The following CSMD1 variants were observed in gnomAD, a reference collection of about 807,000 sequenced individuals.
CSMD1 encodes the protein CUB and Sushi multiple domains 1.
Under a neutral mutation model 417.5 loss-of-function variants are expected in CSMD1, and 213 were observed. The observed-to-expected ratio is 0.51, with a 90% confidence interval of 0.46 to 0.57. The LOEUF is 0.57. Ranked by LOEUF, CSMD1 falls within the 20% of genes least tolerant of loss-of-function variation. The pLI, the probability that CSMD1 is intolerant of heterozygous loss-of-function variation, is 0.00. For missense variants in CSMD1, 6,923 were observed against 4,529.7 expected, an observed-to-expected ratio of 1.53 and a Z score of -15.17; for synonymous variants, 2,862 against 1,736.8, an observed-to-expected ratio of 1.65 and a Z score of -16.11.
intron 5 of CSMD1, among the ~76,000 whole-genome samples, chr8:3,893,342 TA>T (rs1807118433): frequency 3.1e-5 from 2 of 64,854 alleles, no homozygotes; most frequent in African/African-American, 1.0e-4. Context: ...CACAATTTTA[TA>T]TATATATATA....
chr8:3,965,132 T>G (rs1450467153), intron 5 of CSMD1, among the ~76,000 whole-genome samples: 6 of 152,212 alleles, frequency 3.9e-5, no homozygotes, highest in Admixed American at 3.9e-4. Context: ...TGTAATTGTG[T>G]TATTAATATT....
intron 3 of CSMD1, among the ~76,000 whole-genome samples, chr8:4,288,450 C>G (rs561325141): frequency 1.3e-5 from 2 of 152,192 alleles, no homozygotes; most frequent in African/African-American, 4.8e-5. Context: ...AATGCTGTAG[C>G]CATTTCTCCT....
intron 37 of CSMD1, among the ~76,000 whole-genome samples, chr8:3,166,541 T>A (rs1318290909): frequency 6.6e-6 from 1 of 151,838 alleles, no homozygotes; most frequent in Non-Finnish European, 1.5e-5. Flanking sequence ...CTCAAAAAAA[T>A]AAAATAAAAA....
chr8:3,431,351 T>C (rs1416781389), intron 12 of CSMD1, among the ~76,000 whole-genome samples: 2 of 152,100 alleles, frequency 1.3e-5, no homozygotes, highest in East Asian at 1.9e-4. Flanking sequence ...ACTTGGAGAG[T>C]GAAAATTTTC....
intron 26 of CSMD1, among the ~76,000 whole-genome samples, chr8:3,274,417 G>A (rs1585886188): frequency 6.6e-6 from 1 of 152,126 alleles, no homozygotes; most frequent in Non-Finnish European, 1.5e-5. Flanking sequence ...GATTTGGGGT[G>A]GAGAGTTCTG....
intron 3 of CSMD1, among the ~76,000 whole-genome samples, chr8:4,199,916 G>T (rs1056873396): frequency 6.6e-6 from 1 of 152,062 alleles, no homozygotes; most frequent in African/African-American, 2.4e-5. Context: ...ACATTTTGTG[G>T]TGAAGTACGG....
intron 3 of CSMD1, among the ~76,000 whole-genome samples, chr8:4,404,767 T>G (rs1203268806): frequency 2.0e-5 from 3 of 152,110 alleles, no homozygotes; most frequent in African/African-American, 4.8e-5. Flanking sequence ...TAAATGAAAG[T>G]TGAATAGCCA....
intron 3 of CSMD1, among the ~76,000 whole-genome samples, chr8:4,370,073 G>A (rs532160949): frequency 2.0e-5 from 3 of 152,070 alleles, no homozygotes; most frequent in Non-Finnish European, 4.4e-5. Flanking sequence ...GTGTTTTTCG[G>A]TGGTAGTCAT....
intron 51 of CSMD1, among the ~76,000 whole-genome samples, chr8:3,021,152 A>C (rs1809343367): frequency 6.6e-6 from 1 of 152,218 alleles, no homozygotes; most frequent in Non-Finnish European, 1.5e-5. Context: ...GTAGAGAAGC[A>C]AGACCACCTC....
At chr8:3,080,684 C>G (rs892814914) in intron 49 of CSMD1, among the ~76,000 whole-genome samples, 3 of 152,150 alleles carry the variant, frequency 2.0e-5, no homozygotes, top group African/African-American at 7.2e-5. Context: ...CCTTCAAGAC[C>G]TAACAATCAT....
chr8:3,190,273 G>A (rs1440672385), intron 33 of CSMD1, among the ~76,000 whole-genome samples, 158 bp from the exon 34 acceptor site: 1 of 102,010 alleles, frequency 9.8e-6, no homozygotes, highest in African/African-American at 4.0e-5. Flanking sequence ...TTGAGGCGCT[G>A]GGACCACGCA....
intron 5 of CSMD1, among the ~76,000 whole-genome samples, chr8:3,880,123 T>C (rs1052595961): frequency 2.0e-5 from 3 of 152,064 alleles, no homozygotes; most frequent in Admixed American, 2.0e-4. Context: ...CTGTCACAAG[T>C]TTCTACTGTG....
chr8:3,670,476 ATATATATATCCCG>A lies in CSMD1; in HGVS notation c.1009+37925_1009+37937del, dbSNP rs935088914. 2.4e-4 allele frequency among the ~76,000 whole-genome samples: 35 copies of A among 147,408 alleles called. 1 individual carries two copies. The highest frequency in any genetic ancestry group is 8.5e-4 in the African/African-American group (34 of 40,068). ...AATATCCCATATATATGTATCCCATATATATATATCCCGTATATATATCCCATATATATATATA... is the reference window on the plus strand; with the variant it reads ...AATATCCCATATATATGTATCCCATATATATATATCCCATATATATATATA... On this transcript the variant is annotated intron_variant, in intron 7 of 69. Coordinates refer to ENST00000635120, the MANE Select transcript of CSMD1 (RefSeq NM_033225.6).
At chr8:4,437,013 C>A (rs1038489971) in intron 2 of CSMD1, among the ~76,000 whole-genome samples, 2 of 152,146 alleles carry the variant, frequency 1.3e-5, no homozygotes, top group Non-Finnish European at 2.9e-5. Context: ...TCCTGATTCT[C>A]TCTATCCCTG....
intron 5 of CSMD1, among the ~76,000 whole-genome samples, chr8:3,995,213 G>A (rs369302499): frequency 6.6e-6 from 1 of 152,130 alleles, no homozygotes; most frequent in Non-Finnish European, 1.5e-5. Flanking sequence ...TGTTTTAAAT[G>A]TGCTCCTGTA....
At chr8:3,956,866 G>A (rs1280740474) in intron 5 of CSMD1, among the ~76,000 whole-genome samples, 2 of 152,118 alleles carry the variant, frequency 1.3e-5, no homozygotes, top group Non-Finnish European at 2.9e-5. Context: ...GGAACTCCTT[G>A]GAATGCTGCA....
intron 1 of CSMD1, among the ~76,000 whole-genome samples, chr8:4,918,610 T>C (rs903835838): frequency 6.6e-6 from 1 of 152,212 alleles, no homozygotes; most frequent in African/African-American, 2.4e-5. Context: ...TGAAAAGTGA[T>C]AGCTGAATCA....
chr8:3,290,990 A>G (rs1803515871), intron 25 of CSMD1, among the ~76,000 whole-genome samples: 1 of 152,092 alleles, frequency 6.6e-6, no homozygotes, highest in Non-Finnish European at 1.5e-5. Context: ...TTATTTTGAG[A>G]TACGTCCCAT....
intron 2 of CSMD1, among the ~76,000 whole-genome samples, chr8:4,490,772 T>C (rs1026505401): frequency 3.2e-4 from 48 of 152,324 alleles, no homozygotes; most frequent in Admixed American, 1.2e-3. Context: ...CTAGCTCCAC[T>C]AGGTCGGGCA....
Sources: gnomAD v4.1 joint callset for allele counts (sites outside exome capture counted in the v4.1 genomes callset) on GRCh38, gnomAD v4.1.1 for gene constraint, MANE v1.5 for transcripts, NCBI Gene and HGNC (gene_info 2026-07-23, HGNC 2026-07-21) for gene names.